SYNE2: variants seen among roughly 807,000 people sequenced by gnomAD.
SYNE2 encodes nesprin-2.
SYNE2 carries 431 observed loss-of-function variants against 856.3 expected under a neutral mutation model. The ratio of observed to expected loss-of-function variants is 0.50; its 90% CI spans 0.47 to 0.55. SYNE2 has a LOEUF of 0.55. Among genes scored for constraint, SYNE2 ranks in the 20% least tolerant of loss-of-function variants. The pLI, the probability that SYNE2 is intolerant of heterozygous loss-of-function variation, is 0.00. For missense variants in SYNE2, 8,129 were observed against 8,023.2 expected (o/e 1.01, Z -0.50); for synonymous variants, 2,923 against 2,872.3 (o/e 1.02, Z -0.56).
chr14:64,199,986 A>G (rs1596173330), intron 99 of SYNE2, among the ~76,000 whole-genome samples: 1 of 151,672 alleles, frequency 6.6e-6, no homozygotes, highest in South Asian at 2.1e-4. Context: ...CACCTTCTCC[A>G]TACCCCCTCT....
At position 63,805,580 on chromosome 14, in the gene SYNE2, G is replaced by A. The variant is rs1371625811; in HGVS notation, c.-305+43594G>A. ...TTTTTTGTATTTTTGGTAGAGACGG[G>A]GTTTCACTGTGGTCTCTATCTCCTG... On this transcript the variant is annotated intron_variant, in intron 1 of 23. Coordinates refer to the SYNE2 transcript ENST00000674003. Among the ~76,000 whole-genome samples, 3 of 152,092 alleles carry A rather than the reference G, an allele frequency of 2.0e-5. No individual in the cohort carries two copies. In the East Asian group the frequency reaches 5.8e-4, roughly 29 times the overall value.
chr14:63,833,323 C>A (rs1324269281), intron 1 of SYNE2, among the ~76,000 whole-genome samples: 1 of 152,088 alleles, frequency 6.6e-6, no homozygotes. Context: ...TTCTGCCATA[C>A]CAAATATGAG....
chr14:63,970,428 A>G lies in SYNE2; in HGVS notation c.1128+2582A>G, dbSNP rs147541692. 3.3e-5 allele frequency among the ~76,000 whole-genome samples: 5 copies of G among 152,232 alleles called. No individual in the cohort carries two copies. The East Asian group carries it at 9.7e-4, about 29-fold the overall frequency. On this transcript the variant is annotated intron_variant, in intron 11 of 115. Coordinates refer to ENST00000555002, the MANE Select transcript of SYNE2 (RefSeq NM_182914.3). ...GGTCATGAACTCCTGGCTTCAAGCAATGCCCCTGAATTAGAATTTTGGGCC... is the reference window on the plus strand; with the variant it reads ...GGTCATGAACTCCTGGCTTCAAGCAGTGCCCCTGAATTAGAATTTTGGGCC...
At chr14:64,096,049 A>G (rs2097674263) in intron 61 of SYNE2, among the ~76,000 whole-genome samples, 1 of 152,162 alleles carries the variant, frequency 6.6e-6, no homozygotes, top group African/African-American at 2.4e-5. Context: ...CATCTTGGAA[A>G]CAGAGAACAG....
At chr14:63,887,811 G>C (rs1418582519) in intron 1 of SYNE2, among the ~76,000 whole-genome samples, 1 of 128,194 alleles carries the variant, frequency 7.8e-6, no homozygotes, top group African/African-American at 3.1e-5. Context: ...GGAGTGCATT[G>C]GTGCCATCTT....
intron 105 of SYNE2, among the ~76,000 whole-genome samples, chr14:64,213,562 A>G (rs1178096985): frequency 6.6e-6 from 1 of 151,984 alleles, no homozygotes; most frequent in Non-Finnish European, 1.5e-5. Context: ...TTGAATGACA[A>G]CCATTGACCG....
rs369417605 is a variant in SYNE2, at chr14:63,873,979, T to G, written c.-52+20836T>G. On this transcript the variant is annotated intron_variant, in intron 1 of 115. Coordinates refer to ENST00000555002, the MANE Select transcript of SYNE2 (RefSeq NM_182914.3). ...CATAGGAGGCTACTTGTTCTCTTGT[T>G]GGCTGCTTGTATTTGCTTTCTGGAA... The G allele has an allele frequency of 3.9e-5, 6 of 152,406 alleles. No individual in the cohort carries two copies. In the East Asian group the frequency reaches 9.6e-4, roughly 24 times the overall value. 9.4% of individuals were successfully genotyped at this position (152,406 alleles called of 1,614,324 possible). A position where few individuals can be genotyped will look rare whatever the true frequency, so the allele number is the denominator to read the frequency against.
At chr14:64,110,379 T>C (rs2097796330) in intron 65 of SYNE2, among the ~76,000 whole-genome samples, 1 of 152,070 alleles carries the variant, frequency 6.6e-6, no homozygotes, top group African/African-American at 2.4e-5. Context: ...TACTAAAAGG[T>C]TGGTGAAATT....
At chr14:64,070,605 A>T in intron 51 of SYNE2, 40 bp from the exon 52 acceptor site, 1 of 1,557,732 alleles carries the variant, frequency 6.4e-7, no homozygotes, top group East Asian at 2.3e-5. Flanking sequence ...ATGTAATTGT[A>T]TATTTTACTT....
rs114599171 is a variant in SYNE2, at chr14:64,092,145, T to C, written c.11976+1097T>C. 6.6e-3 allele frequency among the ~76,000 whole-genome samples: 1,011 copies of C among 152,342 alleles called. 13 individuals are homozygous for C. The highest frequency in any genetic ancestry group is 0.024 in the African/African-American group (981 of 41,586). The stretch of plus-strand genomic sequence containing the variant: ...AATTTGATCCATTATTTTCATCCTT[T>C]TGTGCTTTATTAGTCTCCTGGTCAG... On this transcript the variant is annotated intron_variant, in intron 60 of 115. Coordinates refer to ENST00000555002, the MANE Select transcript of SYNE2 (RefSeq NM_182914.3).
At chr14:63,858,262 CTTTTTTTTTTTTT>C (rs61091259) in intron 1 of SYNE2, among the ~76,000 whole-genome samples, 12 of 52,934 alleles carry the variant, frequency 2.3e-4, no homozygotes, top group East Asian at 6.7e-4. Flanking sequence ...CCACACCGGC[CTTTTTTTTTTTTT>C]TTTTTTTTTT....
intron 2 of SYNE2, among the ~76,000 whole-genome samples, chr14:63,922,168 T>C (rs2095608243): frequency 6.6e-6 from 1 of 152,080 alleles, no homozygotes; most frequent in Admixed American, 6.6e-5. Context: ...CATGCCTGGC[T>C]AAATTTTTGT....
chr14:64,058,468 C>T (rs1302192637), intron 49 of SYNE2, among the ~76,000 whole-genome samples: 1 of 152,104 alleles, frequency 6.6e-6, no homozygotes, highest in Non-Finnish European at 1.5e-5. Context: ...CTCCCTCTAC[C>T]TCCTCTTTAA....
At position 64,052,125 on chromosome 14, in the gene SYNE2, G is replaced by A. The variant is rs1445787948; in HGVS notation, c.8212G>A (p.Glu2738Lys). The A allele has an allele frequency of 2.3e-5, 37 of 1,614,064 alleles. No homozygotes were observed. Among genetic ancestry groups the A allele is most frequent in the Non-Finnish European group, 2.9e-5 (34 of 1,180,036 alleles). The change falls in exon 48 of 116, where the codon GAG becomes AAG. Residue 2738 changes from glutamate to lysine, a missense_variant. This residue lies in a region of SYNE2 where 5,410 missense variants were observed against 5,284.8 expected (regional missense o/e 1.02). Coordinates refer to ENST00000555002, the MANE Select transcript of SYNE2 (RefSeq NM_182914.3). Reference protein sequence around the residue: ...KKCDIRNKMKETILWAKNLLG... With the variant: ...KKCDIRNKMKKTILWAKNLLG... ...GTGTGACATAAGGAACAAGATGAAAGAGACTATCTTATGGGCCAAGAATTT... is the reference window on the plus strand; with the variant it reads ...GTGTGACATAAGGAACAAGATGAAAAAGACTATCTTATGGGCCAAGAATTT...
chr14:64,086,264 A>G (rs1384693315), intron 57 of SYNE2, among the ~76,000 whole-genome samples: 1 of 152,222 alleles, frequency 6.6e-6, no homozygotes, highest in Non-Finnish European at 1.5e-5. Flanking sequence ...ATTGATAACA[A>G]TCACCATTAA....
chr14:64,030,952 A>G, intron 44 of SYNE2, 64 bp from the exon 45 acceptor site: 1 of 1,247,556 alleles, frequency 8.0e-7, no homozygotes, highest in Non-Finnish European at 1.2e-6. Flanking sequence ...TCTGTGATTT[A>G]CAAAAGTCAA....
chr14:63,977,999 T>G lies in SYNE2; in HGVS notation c.1388T>G (p.Leu463Trp), dbSNP rs1165841766. The G allele has an allele frequency of 1.2e-6, 2 of 1,611,224 alleles. No homozygotes were observed. Among genetic ancestry groups the G allele is most frequent in the East Asian group, 2.2e-5 (1 of 44,836 alleles). ...TTGCCATTGGTACCACCTAACAAAT[T>G]GGAGGAAATGAAAAGACGGTGTGTA... ...NHLPLVPPNK[L>W]EEMKRRINNI... The change falls in exon 13 of 116, where the codon TTG (leucine) becomes TGG (tryptophan). Residue 463 changes from leucine (L) to tryptophan (W), a missense_variant. Around this residue, in one of 3 missense-constraint regions of SYNE2, gnomAD observed 2,422 missense variants for 2,357.4 expected, o/e 1.03. Coordinates refer to ENST00000555002, the MANE Select transcript of SYNE2 (RefSeq NM_182914.3).
chr14:63,880,351 C>CA (rs1201784557), intron 1 of SYNE2, among the ~76,000 whole-genome samples: 1 of 152,118 alleles, frequency 6.6e-6, no homozygotes, highest in Non-Finnish European at 1.5e-5. Flanking sequence ...CTCGGCCTCC[C>CA]AAAGTGCTGG....
At chr14:63,836,141 A>G (rs1348017217) in intron 1 of SYNE2, among the ~76,000 whole-genome samples, 1 of 151,848 alleles carries the variant, frequency 6.6e-6, no homozygotes, top group African/African-American at 2.4e-5. Flanking sequence ...CCCACCTCAG[A>G]CTCTCAAGTA....
Sources: gnomAD v4.1 joint callset for allele counts (sites outside exome capture counted in the v4.1 genomes callset) on GRCh38, gnomAD v4.1.1 for gene constraint, gnomAD v4.1.1 regional missense constraint, MANE v1.5 for transcripts, NCBI Gene and HGNC (gene_info 2026-07-23, HGNC 2026-07-21) for gene names.